The following CCSER1 variants were observed in gnomAD, a reference collection of about 807,000 sequenced individuals.
CCSER1 encodes serine-rich coiled-coil domain-containing protein 1.
In CCSER1, 41 loss-of-function variants were observed where a neutral mutation model predicts 82.0. The observed-to-expected ratio is 0.50, with a 90% CI of 0.39 to 0.65. CCSER1 has a LOEUF of 0.65. Among genes scored for constraint, CCSER1 ranks in the 30% least tolerant of loss-of-function variants. CCSER1 has a pLI of 0.00. For synonymous variants in CCSER1, 414 were observed against 383.9 expected (o/e 1.08, Z -0.92); for missense variants, 1,119 against 1,064.2 (o/e 1.05, Z -0.72).
intron 10 of CCSER1, among the ~76,000 whole-genome samples, chr4:91,401,450 C>A (rs1291210499): frequency 6.6e-6 from 1 of 151,020 alleles, no homozygotes; most frequent in Non-Finnish European, 1.5e-5. Context: ...GCACAACGTG[C>A]AGGTTTGTTA....
chr4:91,251,177 T>C (rs1323264719), intron 10 of CCSER1, among the ~76,000 whole-genome samples: 1 of 152,132 alleles, frequency 6.6e-6, no homozygotes, highest in Non-Finnish European at 1.5e-5. Flanking sequence ...GAAATTTATT[T>C]TGTACAGTTT....
intron 10 of CCSER1, among the ~76,000 whole-genome samples, chr4:91,361,244 T>G (rs1462833981): frequency 6.6e-6 from 1 of 151,916 alleles, no homozygotes; most frequent in African/African-American, 2.4e-5. Context: ...CTCAAAGGTT[T>G]AAGGAATTTT....
chr4:90,254,340 A>T (rs1466852220), intron 1 of CCSER1, among the ~76,000 whole-genome samples: 2 of 152,154 alleles, frequency 1.3e-5, no homozygotes, highest in Non-Finnish European at 2.9e-5. Flanking sequence ...TCTAGGAATG[A>T]CAGCCTTCTC....
intron 5 of CCSER1, among the ~76,000 whole-genome samples, chr4:90,527,576 C>A (rs1483123968): frequency 1.3e-5 from 2 of 152,060 alleles, no homozygotes; most frequent in African/African-American, 4.8e-5. Flanking sequence ...AATGTTTTAC[C>A]AGCACAGTTT....
intron 1 of CCSER1, among the ~76,000 whole-genome samples, chr4:90,183,886 T>C (rs1429350893): frequency 6.6e-6 from 1 of 152,188 alleles, no homozygotes; most frequent in Admixed American, 6.6e-5. Flanking sequence ...AGATTTTATC[T>C]ATACAATAAG....
At chr4:90,929,323 A>C (rs2150276129) in intron 9 of CCSER1, among the ~76,000 whole-genome samples, 1 of 152,296 alleles carries the variant, frequency 6.6e-6, no homozygotes. Flanking sequence ...ACATACAGGT[A>C]TGGATATTGC....
At chr4:90,749,355 C>T (rs1022703169) in intron 7 of CCSER1, among the ~76,000 whole-genome samples, 34 of 151,564 alleles carry the variant, frequency 2.2e-4, no homozygotes, top group East Asian at 3.9e-4. Flanking sequence ...TGTAGATATG[C>T]GGCGTTATTT....
At chr4:91,189,052 C>T (rs1023941793) in intron 10 of CCSER1, among the ~76,000 whole-genome samples, 4 of 151,964 alleles carry the variant, frequency 2.6e-5, no homozygotes, top group Non-Finnish European at 5.9e-5. Flanking sequence ...GCAAACCTCC[C>T]GAACGGTATA....
At chr4:90,912,357 C>G (rs1726533781) in intron 8 of CCSER1, among the ~76,000 whole-genome samples, 1 of 152,196 alleles carries the variant, frequency 6.6e-6, no homozygotes. Context: ...GCAGCCTCCA[C>G]TGCTGATACC....
chr4:91,243,538 A>T (rs942901189), intron 10 of CCSER1, among the ~76,000 whole-genome samples: 2 of 152,210 alleles, frequency 1.3e-5, no homozygotes, highest in Non-Finnish European at 2.9e-5. Flanking sequence ...GAGGTCAAAG[A>T]GTAAAGAGGA....
chr4:90,849,639 A>G lies in CCSER1; in HGVS notation c.2094+33794A>G, dbSNP rs533622299. ...TCCGTCTCTACTAAAAATACAAAAA[A>G]TTAGCCAGATGTGGTGGCAGGCGCC... On this transcript the variant is annotated intron_variant, in intron 8 of 10. Transcript: ENST00000509176. Among the ~76,000 whole-genome samples the G allele has an allele frequency of 5.3e-5, 8 of 151,866 alleles. No homozygotes were observed. The South Asian group carries it at 1.7e-3, about 32-fold the overall frequency.
chr4:91,219,093 TATAA>T (rs1737525749), intron 10 of CCSER1, among the ~76,000 whole-genome samples: 1 of 152,214 alleles, frequency 6.6e-6, no homozygotes, highest in Non-Finnish European at 1.5e-5. Context: ...TTTTCAGTAG[TATAA>T]ATATTTTTGG....
chr4:91,562,975 T>A (rs527770145), intron 10 of CCSER1, among the ~76,000 whole-genome samples: 5 of 151,626 alleles, frequency 3.3e-5, no homozygotes, highest in African/African-American at 1.2e-4. Flanking sequence ...ACTCAATATA[T>A]GTGCAATTAA....
At chr4:90,509,277 C>T (rs1008972414) in intron 5 of CCSER1, among the ~76,000 whole-genome samples, 3 of 152,050 alleles carry the variant, frequency 2.0e-5, no homozygotes, top group Admixed American at 6.5e-5. Context: ...AAGGTTTAGA[C>T]ATATGAAGTG....
intron 10 of CCSER1, among the ~76,000 whole-genome samples, chr4:91,571,591 AACTC>A (rs1763187245): frequency 6.6e-6 from 1 of 152,200 alleles, no homozygotes; most frequent in Non-Finnish European, 1.5e-5. Flanking sequence ...ATCTTATGAG[AACTC>A]ACTATCATGA....
Position 91,373,299 on chromosome 4 carries a change from G to A in CCSER1, c.2218-225273G>A, listed in dbSNP as rs143208231. 3.6e-3 allele frequency among the ~76,000 whole-genome samples: 553 copies of A among 152,132 alleles called. 3 individuals carry two copies. The highest frequency in any genetic ancestry group is 0.013 in the African/African-American group (523 of 41,536). ...TTGTTGCACTTTGCAGATATTGCACGTTTTTACATATTGAAGGTTTGTATC... is the reference window on the plus strand; with the variant it reads ...TTGTTGCACTTTGCAGATATTGCACATTTTTACATATTGAAGGTTTGTATC... On this transcript the variant is annotated intron_variant, in intron 10 of 10. Coordinates refer to ENST00000509176, the MANE Select transcript of CCSER1 (RefSeq NM_001145065.2).
intron 8 of CCSER1, among the ~76,000 whole-genome samples, chr4:90,841,833 A>G (rs10021524): frequency 0.56 from 84,737 of 151,872 alleles, 24,176 homozygotes; most frequent in Non-Finnish European, 0.63. Flanking sequence ...CTCATTCATT[A>G]TTTCTAACAA....
At chr4:90,359,897 G>GTATA (rs199858338) in intron 3 of CCSER1, among the ~76,000 whole-genome samples, 6 of 143,554 alleles carry the variant, frequency 4.2e-5, no homozygotes, top group South Asian at 4.3e-4. Flanking sequence ...ATGTGTGTGT[G>GTATA]TATATATATA....
chr4:90,365,475 A>C (rs1411193597), intron 3 of CCSER1, among the ~76,000 whole-genome samples: 1 of 151,830 alleles, frequency 6.6e-6, no homozygotes. Context: ...TAAAGATCAT[A>C]ATTTAAGGAA....
Sources: gnomAD v4.1 joint callset for allele counts (sites outside exome capture counted in the v4.1 genomes callset) on GRCh38, gnomAD v4.1.1 for gene constraint, MANE v1.5 for transcripts, NCBI Gene and HGNC (gene_info 2026-07-23, HGNC 2026-07-21) for gene names.